BUD31: variants seen among roughly 807,000 people sequenced by gnomAD.
BUD31 encodes the protein BUD31 spliceosome associated protein.
BUD31 carries 9 observed loss-of-function variants against 17.9 expected under a neutral mutation model. That is an observed-to-expected ratio of 0.50 (90% confidence interval 0.30 to 0.88). The LOEUF (loss-of-function observed/expected upper bound fraction) is 0.88. BUD31 is among the 40% of genes least tolerant of loss of function. The pLI is 0.06. For synonymous variants in BUD31, 70 were observed against 64.7 expected (o/e 1.08, Z -0.39); for missense variants, 148 against 184.5 (o/e 0.80, Z 1.15).
rs553254306 is a variant in BUD31, at chr7:99,419,007, G to C, written c.385-384G>C. 1.6e-5 allele frequency: 4 copies of C among 251,296 alleles called. No homozygotes were observed. In the East Asian group the frequency reaches 4.6e-4, roughly 29 times the overall value. 15.6% of individuals were successfully genotyped at this position (251,296 alleles called of 1,614,324 possible). A position where few individuals can be genotyped will look rare whatever the true frequency, so the allele number is the denominator to read the frequency against. ...AGTCTCCTGCCCTCTTCCCCCACCAGAGTGTACCAGCCCAGAGGCCCCCCT... is the reference window on the plus strand; with the variant it reads ...AGTCTCCTGCCCTCTTCCCCCACCACAGTGTACCAGCCCAGAGGCCCCCCT... On this transcript the variant is annotated intron_variant, in intron 5 of 5. Transcript: ENST00000222969.
intron 1 of BUD31, among the ~76,000 whole-genome samples, chr7:99,409,530 T>C (rs915983734): frequency 2.0e-5 from 3 of 151,946 alleles, no homozygotes; most frequent in Non-Finnish European, 4.4e-5. Context: ...CCCTGGGTCG[T>C]AGAAAAGCGA....
chr7:99,416,232 C>T lies in BUD31; in HGVS notation c.189C>T (p.Leu63=), dbSNP rs1795445271. ...AGAAAACCCGCTACATCTTCGACCT[C>T]TTTTACAAGCGGAAAGCCATCAGCA... ...HHQKTRYIFD[L]FYKRKAISRE... Residue 63 remains leucine (L), a synonymous_variant, in exon 4 of 6, where the codon CTC becomes CTT. Transcript: ENST00000222969. The T allele has an allele frequency of 6.2e-7, 1 of 1,613,982 alleles. No homozygotes were observed. The highest frequency in any genetic ancestry group is 8.5e-7 in the Non-Finnish European group (1 of 1,179,904).
intron 3 of BUD31, chr7:99,415,111 T>C (rs1211976770): frequency 4.7e-6 from 2 of 428,480 alleles, no homozygotes; most frequent in East Asian, 1.5e-4. Context: ...AGCGTAGAAA[T>C]AAAGACACAA....
In BUD31 at chr7:99,411,164, A is replaced by G; in HGVS notation, c.72A>G (p.Glu24=). 1 of 1,614,068 alleles carries G rather than the reference A, an allele frequency of 6.2e-7. No individual in the cohort carries two copies. The highest frequency in any genetic ancestry group is 2.2e-5 in the East Asian group (1 of 44,886). Reference sequence around the variant, plus strand: ...AGTTGATTGAGCCAACACTGGATGAATTAGATCAAAAGATGAGAGAAGGTG... The same window carrying G: ...AGTTGATTGAGCCAACACTGGATGAGTTAGATCAAAAGATGAGAGAAGGTG... The part of the protein sequence containing the change: ...GWELIEPTLD[E]LDQKMREAET... Residue 24 remains glutamate, a synonymous_variant, in exon 3 of 6, where the codon GAA becomes GAG. Transcript: ENST00000222969.
intron 5 of BUD31, chr7:99,418,671 G>A (rs2150940756): frequency 6.5e-6 from 1 of 152,730 alleles, no homozygotes; most frequent in African/African-American, 2.4e-5. Context: ...GTGGCAGAGT[G>A]GCAGAAGCCC....
rs574694462 is a variant in BUD31 at position 99,414,894 on chromosome 7, G to A, written c.95-1244G>A. Among the ~76,000 whole-genome samples the A allele has an allele frequency of 2.6e-5, 4 of 152,252 alleles. No individual in the cohort carries two copies. In the East Asian group the frequency reaches 5.8e-4, roughly 22 times the overall value. ...ATTACAGGTGTGAGCCACCGATTCC[G>A]GCCAGCCCTGTTTAACTTCTTGAGG... is the stretch of plus-strand genomic sequence containing the variant. On this transcript the variant is annotated intron_variant, in intron 3 of 5. Coordinates refer to ENST00000222969, the MANE Select transcript of BUD31 (RefSeq NM_003910.4).
intron 3 of BUD31, among the ~76,000 whole-genome samples, chr7:99,413,603 G>GT (rs1008067461): frequency 6.4e-4 from 96 of 150,906 alleles, no homozygotes; most frequent in Middle Eastern, 3.4e-3. Context: ...GTTTTGTTTT[G>GT]TTTTTTTTTG....
At position 99,417,721 on chromosome 7, in the gene BUD31, C is replaced by T; in HGVS notation, c.384+126C>T. The T allele has an allele frequency of 1.9e-6, 3 of 1,539,108 alleles. No homozygotes were observed. In the South Asian group the frequency reaches 3.6e-5, roughly 18 times the overall value. On this transcript the variant is annotated intron_variant, in intron 5 of 5. Coordinates refer to ENST00000222969, the MANE Select transcript of BUD31 (RefSeq NM_003910.4). Reference sequence around the variant, plus strand: ...TTTGTCCCTGGATGTCCTGCTGGCTCTCCCTCGTGGGAGTGGGTCCCTGTA... The same window carrying T: ...TTTGTCCCTGGATGTCCTGCTGGCTTTCCCTCGTGGGAGTGGGTCCCTGTA...
At chr7:99,409,676 T>C (rs547346118) in intron 1 of BUD31, among the ~76,000 whole-genome samples, 11 of 151,420 alleles carry the variant, frequency 7.3e-5, no homozygotes, top group South Asian at 6.3e-4. Flanking sequence ...GTTTTGCAAA[T>C]TCTCAGCTGT....
At chr7:99,415,846 T>C (rs1795413607) in intron 3 of BUD31, among the ~76,000 whole-genome samples, 1 of 152,196 alleles carries the variant, frequency 6.6e-6, no homozygotes, top group African/African-American at 2.4e-5. Flanking sequence ...GAGTGAGGAT[T>C]ATTATAATAT....
intron 3 of BUD31, among the ~76,000 whole-genome samples, chr7:99,414,090 C>T (rs1318702537): frequency 2.0e-5 from 3 of 152,092 alleles, no homozygotes; most frequent in African/African-American, 7.2e-5. Flanking sequence ...CAAAAATAGA[C>T]ATTTTTAATT....
At chr7:99,416,070 A>G (rs939693703) in intron 3 of BUD31, 68 bp from the exon 4 acceptor site, 41 of 1,583,880 alleles carry the variant, frequency 2.6e-5, no homozygotes, top group Non-Finnish European at 3.3e-5. Flanking sequence ...ATCAGTAGTT[A>G]CTTACAAAAA....
intron 4 of BUD31, 67 bp from the exon 5 acceptor site, chr7:99,417,362 T>G: frequency 2.6e-6 from 4 of 1,560,558 alleles, no homozygotes; most frequent in Non-Finnish European, 3.5e-6. Context: ...CTGAATGCTT[T>G]TTTTGATCAA....
intron 3 of BUD31, chr7:99,415,126 A>G (rs1240301916): frequency 4.6e-6 from 2 of 439,218 alleles, no homozygotes; most frequent in Non-Finnish European, 9.1e-6. Context: ...ACACAAGACA[A>G]AGAGATAAAA....
rs1352005004 is a variant in BUD31, at chr7:99,416,391, C to T, written c.217+131C>T. 3.0e-5 allele frequency: 36 copies of T among 1,216,868 alleles called. No homozygotes were observed. In the Admixed American group the frequency reaches 3.6e-4, roughly 12 times the overall value. The allele number at this position is 1,216,868 out of a possible 1,614,324, so 75.4% of individuals were successfully genotyped here. A position where few individuals can be genotyped will look rare whatever the true frequency, so the allele number is the denominator to read the frequency against. On this transcript the variant is annotated intron_variant, in intron 4 of 5. Coordinates refer to ENST00000222969, the MANE Select transcript of BUD31 (RefSeq NM_003910.4). ...TACCACGAAAATTAGGGGGAGCCAACGTTGGCTGAGTTTTGTGTGTGTGTT... is the reference window on the plus strand; with the variant it reads ...TACCACGAAAATTAGGGGGAGCCAATGTTGGCTGAGTTTTGTGTGTGTGTT...
At chr7:99,411,867 C>T (rs969666094) in intron 3 of BUD31, 36 of 351,990 alleles carry the variant, frequency 1.0e-4, no homozygotes, top group Non-Finnish European at 1.6e-4. Context: ...CCACCATGCC[C>T]GGCTAATTTT....
chr7:99,415,238 T>C (rs775855960), intron 3 of BUD31: 5 of 456,016 alleles, frequency 1.1e-5, no homozygotes, highest in South Asian at 7.7e-5. Context: ...AGGGGCAGGA[T>C]AAGCAGTGTG....
At chr7:99,410,643 A>C (rs773776990) in intron 2 of BUD31, among the ~76,000 whole-genome samples, 9 of 152,144 alleles carry the variant, frequency 5.9e-5, no homozygotes, top group Admixed American at 3.9e-4. Context: ...CTCTTTGCTA[A>C]AATGTCACCT....
chr7:99,413,503 G>T (rs1298403469), intron 3 of BUD31, among the ~76,000 whole-genome samples: 5 of 152,228 alleles, frequency 3.3e-5, no homozygotes, highest in Admixed American at 2.6e-4. Flanking sequence ...CCCATCTGTG[G>T]GCCTAGAATT....
Sources: allele counts gnomAD v4.1 joint callset (sites outside exome capture counted in the v4.1 genomes callset), GRCh38; gene constraint gnomAD v4.1.1; transcripts MANE v1.5; gene names NCBI Gene and HGNC (gene_info 2026-07-23, HGNC 2026-07-21).